Variants in STS observed in about 807,000 individuals in gnomAD.
The protein encoded by STS is steroid sulfatase.
Under a neutral mutation model 26.8 loss-of-function variants are expected in STS, and 7 were observed. The observed-to-expected ratio is 0.26, with a 90% confidence interval of 0.15 to 0.49. STS has a LOEUF of 0.49. Ranked by LOEUF, STS falls within the 20% of genes least tolerant of loss-of-function variation. STS has a pLI of 0.98. For missense variants in STS, 434 were observed against 465.6 expected, an observed-to-expected ratio of 0.93 and a Z score of 0.63; for synonymous variants, 199 against 189.4, an observed-to-expected ratio of 1.05 and a Z score of -0.42.
chrX:7,209,548 C>A lies in STS; in HGVS notation c.-5+18540C>A, dbSNP rs1240418190. Among the ~76,000 whole-genome samples, 2 of 48,517 alleles carry A rather than the reference C, an allele frequency of 4.1e-5. 1 individual carries two copies. 42.1% of individuals were successfully genotyped at this position (48,517 alleles called of 115,157 possible). A position where few individuals can be genotyped will look rare whatever the true frequency, so the allele number is the denominator to read the frequency against. On this transcript the variant is annotated intron_variant, in intron 2 of 10. Transcript: ENST00000674429. Reference sequence around the variant, plus strand: ...TTTTAATATAATTTAAAAATGAATTCGAATAGATGAATACCACAGATTTAA... The same window carrying A: ...TTTTAATATAATTTAAAAATGAATTAGAATAGATGAATACCACAGATTTAA...
intron 2 of STS, among the ~76,000 whole-genome samples, chrX:7,237,947 G>C (rs1411839765): frequency 9.0e-6 from 1 of 110,773 alleles, no homozygotes; most frequent in Non-Finnish European, 1.9e-5. Context: ...TTTTACTTTT[G>C]TTTCTGAATC....
At chrX:7,174,552 T>G (rs182227909) in intron 1 of STS, among the ~76,000 whole-genome samples, 1 of 111,916 alleles carries the variant, frequency 8.9e-6, no homozygotes, top group Non-Finnish European at 1.9e-5. Context: ...TTGAGACAAT[T>G]GCATGGAAGT....
At chrX:7,191,292 A>G (rs749389100) in intron 2 of STS, among the ~76,000 whole-genome samples, 24 of 112,274 alleles carry the variant, frequency 2.1e-4, no homozygotes, top group African/African-American at 7.8e-4. Flanking sequence ...GCATAATCTG[A>G]TGAGCATAAG....
intron 6 of STS, among the ~76,000 whole-genome samples, chrX:7,263,852 A>G (rs1437100786): frequency 9.0e-6 from 1 of 111,592 alleles, no homozygotes; most frequent in Non-Finnish European, 1.9e-5. Context: ...CTTTACACAC[A>G]TATGTATTTA....
At chrX:7,205,813 G>A (rs992259834) in intron 2 of STS, among the ~76,000 whole-genome samples, 11 of 108,442 alleles carry the variant, frequency 1.0e-4, no homozygotes, top group African/African-American at 1.0e-4. Context: ...ACAAGGTCTC[G>A]CTATATTGCC....
At chrX:7,287,879 T>A (rs1246826846) in intron 7 of STS, among the ~76,000 whole-genome samples, 1 of 110,651 alleles carries the variant, frequency 9.0e-6, no homozygotes, top group African/African-American at 3.3e-5. Context: ...GATAGTAGGA[T>A]ACCCATTGAT....
chrX:7,242,524 C>T (rs902229402), intron 2 of STS, among the ~76,000 whole-genome samples: 6 of 108,840 alleles, frequency 5.5e-5, no homozygotes, highest in Middle Eastern at 4.9e-3. Context: ...TGCTTGAGCC[C>T]GGGAGGTTGA....
intron 7 of STS, 63 bp from the exon 8 acceptor site, chrX:7,304,983 C>A: frequency 8.5e-7 from 1 of 1,177,977 alleles, no homozygotes; most frequent in Non-Finnish European, 1.2e-6. Context: ...CTGAGTAGGG[C>A]AACCATCTCC....
intron 8 of STS, among the ~76,000 whole-genome samples, chrX:7,316,355 T>C (rs1331615772): frequency 2.7e-5 from 3 of 111,914 alleles, no homozygotes; most frequent in African/African-American, 9.7e-5. Flanking sequence ...CTGTAGCATG[T>C]GGGCCTAATG....
chrX:7,254,577 C>CTTTTTTTTTTTTTTTTTTTT (rs34965003), intron 3 of STS, among the ~76,000 whole-genome samples: 4 of 73,071 alleles, frequency 5.5e-5, no homozygotes, highest in East Asian at 4.0e-4. Context: ...TTTTCTTCTT[C>CTTTTTTTTTTTTTTTTTTTT]TTTTTTTTTT....
rs1468700383 is a variant in STS, at chrX:7,235,117, T to A, written c.-4-18079T>A. Reference sequence around the variant, plus strand: ...AATGAAAATATTAGGTAAGCTGTGATGAGTGGTTCATAGCAAAGCATTTGG... The same window carrying A: ...AATGAAAATATTAGGTAAGCTGTGAAGAGTGGTTCATAGCAAAGCATTTGG... On this transcript the variant is annotated intron_variant, in intron 2 of 10. Transcript: ENST00000674429. Among the ~76,000 whole-genome samples, 19 of 112,046 alleles carry A rather than the reference T, an allele frequency of 1.7e-4. No individual in the cohort carries two copies. In the Admixed American group the frequency reaches 1.8e-3, roughly 11 times the overall value.
At chrX:7,324,992 C>T (rs1431350645) in intron 8 of STS, among the ~76,000 whole-genome samples, 2 of 110,977 alleles carry the variant, frequency 1.8e-5, no homozygotes, top group Non-Finnish European at 3.8e-5. Flanking sequence ...TTTTGCCTGC[C>T]ACAGCTGGTG....
intron 2 of STS, among the ~76,000 whole-genome samples, chrX:7,199,192 TATG>T (rs1452901331): frequency 8.9e-6 from 1 of 111,773 alleles, no homozygotes; most frequent in Non-Finnish European, 1.9e-5. Flanking sequence ...AATACAATAT[TATG>T]ATATTTGAAG....
intron 10 of STS, among the ~76,000 whole-genome samples, chrX:7,340,056 C>CA (rs202100721): frequency 0.03 from 1,665 of 55,743 alleles, 25 homozygotes; most frequent in Non-Finnish European, 0.044. Flanking sequence ...TTCTTGAATA[C>CA]AAAAAAAAAA....
intron 2 of STS, among the ~76,000 whole-genome samples, chrX:7,244,949 A>T (rs1922796608): frequency 8.9e-6 from 1 of 112,232 alleles, no homozygotes; most frequent in African/African-American, 3.2e-5. Flanking sequence ...TAAGCACCCA[A>T]AAAACTGTTA....
At chrX:7,187,401 A>G (rs1569183912) in intron 1 of STS, among the ~76,000 whole-genome samples, 1 of 111,977 alleles carries the variant, frequency 8.9e-6, no homozygotes, top group Non-Finnish European at 1.9e-5. Flanking sequence ...AGACTGTCCC[A>G]GTTTGAAAAC....
At chrX:7,247,264 TTGCAAAGCTTAGGAATCTAAC>T (rs1307706741) in intron 2 of STS, among the ~76,000 whole-genome samples, 1 of 112,076 alleles carries the variant, frequency 8.9e-6, no homozygotes, top group East Asian at 2.8e-4. Context: ...CTCAATCACT[TTGCAAAGCTTAGGAATCTAAC>T]TGAATAACAA....
intron 1 of STS, among the ~76,000 whole-genome samples, chrX:7,167,170 G>A (rs1734285301): frequency 9.0e-6 from 1 of 110,708 alleles, no homozygotes. Context: ...CAGAGCGTGG[G>A]GTCCTCTTTC....
At chrX:7,170,020 T>C (rs1341281527) in intron 1 of STS, among the ~76,000 whole-genome samples, 3 of 111,080 alleles carry the variant, frequency 2.7e-5, no homozygotes, top group Non-Finnish European at 5.7e-5. Flanking sequence ...ACAGAACATA[T>C]AGGTTTTATT....
Sources: allele counts gnomAD v4.1 joint callset (sites outside exome capture counted in the v4.1 genomes callset), GRCh38; gene constraint gnomAD v4.1.1; transcripts MANE v1.5; gene names NCBI Gene and HGNC (gene_info 2026-07-23, HGNC 2026-07-21).